The following NDUFAF6 variants were observed in gnomAD, a reference collection of about 807,000 sequenced individuals.
NDUFAF6 encodes the protein NADH:ubiquinone oxidoreductase complex assembly factor 6, also known as NADH dehydrogenase (ubiquinone) complex I, assembly factor 6.
Under a neutral mutation model 40.8 loss-of-function variants are expected in NDUFAF6, and 45 were observed. The observed-to-expected ratio is 1.10, with a 90% CI of 0.87 to 1.42. NDUFAF6 has a LOEUF of 1.42. Ranked by LOEUF, NDUFAF6 falls within the 40% of genes most tolerant of loss-of-function variation. NDUFAF6 has a pLI of 0.00. For synonymous variants in NDUFAF6, 185 were observed against 155.9 expected, an observed-to-expected ratio of 1.19 and a Z score of -1.39; for missense variants, 435 against 418.5, an observed-to-expected ratio of 1.04 and a Z score of -0.34.
At chr8:95,056,919 A>AG (rs1554683318) in intron 8 of NDUFAF6, among the ~76,000 whole-genome samples, 2 of 151,418 alleles carry the variant, frequency 1.3e-5, no homozygotes, top group South Asian at 2.1e-4. Context: ...AAAAAAAAAA[A>AG]GTAGATAATG....
chr8:95,059,629 A>T (rs529989146), downstream of NDUFAF6, among the ~76,000 whole-genome samples: 63 of 152,078 alleles, frequency 4.1e-4, no homozygotes, highest in Non-Finnish European at 7.1e-4. Flanking sequence ...CGGGTGGATC[A>T]CCTGAGGTCA....
At chr8:94,977,663 A>G (rs1341629101) in intron 1 of NDUFAF6, among the ~76,000 whole-genome samples, 1 of 151,988 alleles carries the variant, frequency 6.6e-6, no homozygotes, top group Non-Finnish European at 1.5e-5. Context: ...GTCCTTGGAC[A>G]TCAGACTCCA....
chr8:95,102,327 G>A (rs1447607741), intron 2 of NDUFAF6, among the ~76,000 whole-genome samples: 3 of 152,182 alleles, frequency 2.0e-5, no homozygotes, highest in Admixed American at 1.3e-4. Flanking sequence ...TTAACAGGGG[G>A]CTGGGATAAC....
At chr8:94,940,900 A>C in intron 1 of NDUFAF6, 1 of 1,613,980 alleles carries the variant, frequency 6.2e-7, no homozygotes, top group Non-Finnish European at 8.5e-7. Context: ...TGGAGGAAGA[A>C]CTGACTTCAC....
intron 4 of NDUFAF6, among the ~76,000 whole-genome samples, chr8:95,045,115 G>A (rs1219723225): frequency 6.6e-6 from 1 of 152,148 alleles, no homozygotes; most frequent in Non-Finnish European, 1.5e-5. Context: ...ACATGTTAAT[G>A]TGTCCATGCC....
intron 1 of NDUFAF6, among the ~76,000 whole-genome samples, chr8:94,978,345 A>G (rs905916892): frequency 7.2e-5 from 11 of 152,200 alleles, no homozygotes; most frequent in African/African-American, 2.4e-4. Flanking sequence ...TCTTGCCCTC[A>G]GGACACTTTT....
At chr8:95,086,588 T>TTTTTC (rs1809049593) in intron 2 of NDUFAF6, among the ~76,000 whole-genome samples, 2 of 143,158 alleles carry the variant, frequency 1.4e-5, no homozygotes, top group African/African-American at 5.4e-5. Context: ...GTCTCTCTCT[T>TTTTTC]TTTTCTTTTC....
At chr8:95,095,962 G>A (rs1266044082), upstream of NDUFAF6, among the ~76,000 whole-genome samples, 5 of 152,168 alleles carry the variant, frequency 3.3e-5, no homozygotes, top group African/African-American at 4.8e-5. Flanking sequence ...ACCGTGCCCG[G>A]CTGATTTCGC....
Position 94,951,850 on chromosome 8 carries a change from A to G in NDUFAF6, c.-798-6145A>G, listed in dbSNP as rs76055708. On this transcript the variant is annotated intron_variant, in intron 2 of 14. Coordinates refer to the NDUFAF6 transcript ENST00000396113. ...TACATAAATGCATGCAGTGAAACTC[A>G]GGAGTAATGTCATCTCCATAGCGTA... is the stretch of plus-strand genomic sequence containing the variant. Among the ~76,000 whole-genome samples, 1,054 of 152,344 alleles carry G rather than the reference A, an allele frequency of 6.9e-3. 15 individuals are homozygous for G. Among genetic ancestry groups the G allele is most frequent in the African/African-American group, 0.024 (994 of 41,576 alleles).
chr8:94,925,320 T>C (rs1445059421), intron 1 of NDUFAF6, among the ~76,000 whole-genome samples: 2 of 152,204 alleles, frequency 1.3e-5, no homozygotes, highest in African/African-American at 4.8e-5. Flanking sequence ...GGGGTATCAA[T>C]GGCATCAGGG....
intron 1 of NDUFAF6, among the ~76,000 whole-genome samples, chr8:94,901,940 C>G (rs1456237103): frequency 2.6e-5 from 4 of 152,090 alleles, no homozygotes; most frequent in African/African-American, 9.7e-5. Context: ...TAATGAACAC[C>G]CATATGCCAT....
At chr8:94,904,152 G>T (rs1244961395) in intron 1 of NDUFAF6, among the ~76,000 whole-genome samples, 5 of 145,726 alleles carry the variant, frequency 3.4e-5, no homozygotes, top group African/African-American at 8.0e-5. Context: ...TTTGTTTTTT[G>T]GTTTTTTTTG....
At chr8:94,966,326 G>T (rs1236844715) in intron 1 of NDUFAF6, among the ~76,000 whole-genome samples, 1 of 152,162 alleles carries the variant, frequency 6.6e-6, no homozygotes, top group Non-Finnish European at 1.5e-5. Flanking sequence ...AGGCATGATG[G>T]CTCATGCCTG....
chr8:95,014,543 C>T (rs1213362023), intron 2 of NDUFAF6, among the ~76,000 whole-genome samples: 6 of 152,160 alleles, frequency 3.9e-5, no homozygotes, highest in African/African-American at 1.4e-4. Context: ...AAGTGACATC[C>T]CCATTGTCAC....
At chr8:95,082,454 T>C (rs552989549) in intron 2 of NDUFAF6, among the ~76,000 whole-genome samples, 92 of 152,262 alleles carry the variant, frequency 6.0e-4, no homozygotes, top group South Asian at 8.3e-4. Context: ...ACTGTCAGAA[T>C]CATCTCCTTC....
At chr8:94,962,604 T>G (rs1823667101) in intron 1 of NDUFAF6, among the ~76,000 whole-genome samples, 1 of 139,844 alleles carries the variant, frequency 7.2e-6, no homozygotes, top group South Asian at 2.3e-4. Flanking sequence ...AGACTTCTGT[T>G]TTTTGTTTTT....
upstream of NDUFAF6, among the ~76,000 whole-genome samples, chr8:94,956,721 G>C (rs1002266631): frequency 6.6e-6 from 1 of 152,184 alleles, no homozygotes; most frequent in Non-Finnish European, 1.5e-5. Flanking sequence ...GACCAGGATG[G>C]CAGCAGTGGA....
At chr8:95,038,197 A>C (rs1200727219) in intron 3 of NDUFAF6, among the ~76,000 whole-genome samples, 2 of 151,866 alleles carry the variant, frequency 1.3e-5, no homozygotes, top group African/African-American at 2.4e-5. Context: ...ATTTTATCCC[A>C]TTTGTTTAAT....
intron 8 of NDUFAF6, among the ~76,000 whole-genome samples, chr8:95,054,496 A>G (rs1831866419): frequency 1.4e-5 from 2 of 147,800 alleles, no homozygotes; most frequent in African/African-American, 5.0e-5. Context: ...GTGCAATGGC[A>G]TGATCTCGGC....
Sources: allele counts gnomAD v4.1 joint callset (sites outside exome capture counted in the v4.1 genomes callset), GRCh38; gene constraint gnomAD v4.1.1; transcripts MANE v1.5; gene names NCBI Gene and HGNC (gene_info 2026-07-23, HGNC 2026-07-21).